Variants in ACER3 observed in about 807,000 individuals in gnomAD.
ACER3 encodes alkaline ceramidase 3.
A neutral mutation model predicts 48.9 loss-of-function variants in ACER3; 16 were observed. The observed-to-expected ratio is 0.33, with a 90% CI of 0.22 to 0.50. The LOEUF (loss-of-function observed/expected upper bound fraction) is 0.50. Ranked by LOEUF, ACER3 falls within the 20% of genes least tolerant of loss-of-function variation. The pLI is 0.98. For missense variants in ACER3, 227 were observed against 326.0 expected (o/e 0.70, Z 2.34); for synonymous variants, 109 against 107.8 (o/e 1.01, Z -0.07).
intron 3 of ACER3, 105 bp from the exon 4 acceptor site, chr11:76,976,184 G>T: frequency 1.1e-6 from 1 of 881,228 alleles, no homozygotes; most frequent in Non-Finnish European, 1.8e-6. Flanking sequence ...TCTGTGCCTG[G>T]TCTAAGAGCT....
intron 3 of ACER3, among the ~76,000 whole-genome samples, chr11:76,970,912 C>G (rs1326142308): frequency 1.3e-5 from 2 of 152,180 alleles, no homozygotes; most frequent in East Asian, 1.9e-4. Context: ...CTGACAATCA[C>G]TCTCTTCCTG....
chr11:77,005,972 CATATAT>C (rs61113921), intron 7 of ACER3, among the ~76,000 whole-genome samples: 12 of 107,070 alleles, frequency 1.1e-4, no homozygotes, highest in East Asian at 3.5e-4. Context: ...TATATATATA[CATATAT>C]ATATATATAT....
At chr11:76,928,509 G>T (rs963142319) in intron 2 of ACER3, among the ~76,000 whole-genome samples, 4 of 152,018 alleles carry the variant, frequency 2.6e-5, no homozygotes, top group African/African-American at 9.7e-5. Context: ...CCATGCTTTT[G>T]GTGTTTTAGA....
intron 5 of ACER3, among the ~76,000 whole-genome samples, chr11:76,988,679 G>A (rs1034831427): frequency 1.3e-5 from 2 of 152,176 alleles, no homozygotes; most frequent in Admixed American, 6.5e-5. Flanking sequence ...TTTTGGGTGG[G>A]CATACAACCA....
intron 2 of ACER3, among the ~76,000 whole-genome samples, chr11:76,945,763 G>T (rs188406163): frequency 6.6e-6 from 1 of 152,330 alleles, no homozygotes; most frequent in Admixed American, 6.5e-5. Flanking sequence ...CTCCTGGGCA[G>T]CTGGTGTGAT....
Position 76,926,623 on chromosome 11 carries a change from A to G in ACER3, c.170A>G (p.Asp57Gly), listed in dbSNP as rs763660769. ...PMFGAVQSVR[D>G]GLEKRYIASY... is the part of the protein sequence containing the mutation. ...TTCGGTGCAGTTCAGAGTGTTAGAGACGGTCTGGAAAAGCGGTACATTGCT... is the reference window on the plus strand; with the variant it reads ...TTCGGTGCAGTTCAGAGTGTTAGAGGCGGTCTGGAAAAGCGGTACATTGCT... Residue 57 changes from aspartate to glycine, a missense_variant, in exon 2 of 11, where the codon GAC becomes GGC. Asp to Gly is a moderately conservative substitution (Grantham distance 94). Transcript: ENST00000532485. The G allele has an allele frequency of 1.9e-6, 3 of 1,607,830 alleles. No individual in the cohort carries two copies. The East Asian group carries it at 6.7e-5, about 36-fold the overall frequency.
Position 76,995,019 on chromosome 11 carries a change from C to A in ACER3, c.439-3744C>A, listed in dbSNP as rs189549076. 4.6e-5 allele frequency among the ~76,000 whole-genome samples: 7 copies of A among 152,152 alleles called. No individual in the cohort carries two copies. In the East Asian group the frequency reaches 1.4e-3, roughly 29 times the overall value. The stretch of plus-strand genomic sequence containing the variant: ...AAAGAGAAAAGTTTGATTTCTGTTG[C>A]CCTAGTCCACTGAGAAAGGATTTTT... On this transcript the variant is annotated intron_variant, in intron 6 of 10. Transcript: ENST00000532485.
chr11:76,947,391 A>G (rs750970059), intron 2 of ACER3, among the ~76,000 whole-genome samples: 3 of 152,226 alleles, frequency 2.0e-5, no homozygotes, highest in Non-Finnish European at 4.4e-5. Flanking sequence ...AGCAAGCTTA[A>G]TTAAGTTTAG....
chr11:76,873,960 C>G (rs561732962), intron 1 of ACER3, among the ~76,000 whole-genome samples: 2 of 152,174 alleles, frequency 1.3e-5, no homozygotes, highest in Non-Finnish European at 2.9e-5. Flanking sequence ...TGTTCCTTTG[C>G]CAGCTATTTC....
intron 6 of ACER3, chr11:76,994,274 C>T (rs1430700258): frequency 7.1e-6 from 3 of 422,682 alleles, no homozygotes; most frequent in East Asian, 7.2e-5. Flanking sequence ...GGACTACAGG[C>T]GTGTACCATC....
chr11:76,972,950 C>T (rs190489658), intron 3 of ACER3, among the ~76,000 whole-genome samples: 2 of 152,350 alleles, frequency 1.3e-5, no homozygotes, highest in Admixed American at 6.5e-5. Flanking sequence ...CCCCAAGGTG[C>T]CCGACAGTAA....
intron 3 of ACER3, among the ~76,000 whole-genome samples, chr11:76,975,625 C>T (rs933613007): frequency 4.6e-5 from 7 of 151,974 alleles, no homozygotes; most frequent in Admixed American, 2.6e-4. Context: ...AGATGATGGA[C>T]ATCATTTTTT....
chr11:76,921,646 T>C (rs1188778884), intron 1 of ACER3, among the ~76,000 whole-genome samples: 1 of 152,208 alleles, frequency 6.6e-6, no homozygotes, highest in Admixed American at 6.5e-5. Context: ...TCTTGGCTCT[T>C]CTTAGCCTTT....
At chr11:76,890,917 C>T (rs1410626167) in intron 1 of ACER3, among the ~76,000 whole-genome samples, 2 of 151,790 alleles carry the variant, frequency 1.3e-5, no homozygotes, top group African/African-American at 2.4e-5. Flanking sequence ...GTCAGGAGTT[C>T]GAGACCCGTG....
At chr11:76,884,809 G>T (rs1464021483) in intron 1 of ACER3, among the ~76,000 whole-genome samples, 2 of 151,890 alleles carry the variant, frequency 1.3e-5, no homozygotes, top group Non-Finnish European at 2.9e-5. Flanking sequence ...TGTTGTCCAG[G>T]CTGGAGGGCA....
chr11:76,907,910 TA>T (rs1946275489), intron 1 of ACER3, among the ~76,000 whole-genome samples: 1 of 151,142 alleles, frequency 6.6e-6, no homozygotes, highest in Non-Finnish European at 1.5e-5. Context: ...GTTCTAGTTT[TA>T]TAAAGCTATT....
At chr11:76,919,800 G>A (rs1555000639) in intron 1 of ACER3, among the ~76,000 whole-genome samples, 1 of 152,088 alleles carries the variant, frequency 6.6e-6, no homozygotes, top group Non-Finnish European at 1.5e-5. Flanking sequence ...GAAAAAGGGG[G>A]AAATCCATTA....
intron 2 of ACER3, among the ~76,000 whole-genome samples, chr11:76,941,259 G>C (rs2134925432): frequency 6.6e-6 from 1 of 152,138 alleles, no homozygotes; most frequent in South Asian, 2.1e-4. Context: ...GAAAGAAGTG[G>C]GAATTTCGGC....
chr11:77,014,303 C>T (rs543369757), intron 7 of ACER3, among the ~76,000 whole-genome samples: 67 of 152,268 alleles, frequency 4.4e-4, no homozygotes, highest in Admixed American at 2.0e-3. Flanking sequence ...ACAATACCTC[C>T]GTATCACTCC....
Sources: allele counts gnomAD v4.1 joint callset (sites outside exome capture counted in the v4.1 genomes callset), GRCh38; gene constraint gnomAD v4.1.1; transcripts MANE v1.5; gene names NCBI Gene and HGNC (gene_info 2026-07-23, HGNC 2026-07-21).